Variants in FAM78B observed in about 807,000 individuals in gnomAD.
FAM78B encodes the protein protein FAM78B.
In FAM78B, 10 loss-of-function variants were observed where a neutral mutation model predicts 20.0. The ratio of observed to expected loss-of-function variants is 0.50; its 90% CI spans 0.31 to 0.85. FAM78B has a LOEUF of 0.85. Ranked by LOEUF, FAM78B falls within the 40% of genes least tolerant of loss-of-function variation. The probability of loss-of-function intolerance (pLI) is 0.05; values close to 1 mark genes in which losing one functional copy is unlikely to be tolerated. For missense variants in FAM78B, 283 were observed against 345.0 expected (o/e 0.82, Z 1.42); for synonymous variants, 135 against 132.8 (o/e 1.02, Z -0.12).
chr1:166,148,757 A>T (rs1246297022), intron 1 of FAM78B, among the ~76,000 whole-genome samples: 2 of 152,238 alleles, frequency 1.3e-5, no homozygotes, highest in African/African-American at 4.8e-5. Flanking sequence ...CTTTTCTCCC[A>T]ATGCAGTTGT....
intron 1 of FAM78B, among the ~76,000 whole-genome samples, chr1:166,085,828 G>A (rs1218650022): frequency 6.6e-6 from 1 of 151,876 alleles, no homozygotes; most frequent in Admixed American, 6.6e-5. Flanking sequence ...GAAATCCAAA[G>A]TCTGGAAACC....
At chr1:166,158,157 A>T (rs1431736040) in intron 1 of FAM78B, among the ~76,000 whole-genome samples, 1 of 152,278 alleles carries the variant, frequency 6.6e-6, no homozygotes, top group East Asian at 1.9e-4. Flanking sequence ...TAAGGCCATC[A>T]TCTATTAGAA....
intron 1 of FAM78B, among the ~76,000 whole-genome samples, chr1:166,150,423 G>A (rs2101797448): frequency 6.6e-6 from 1 of 152,258 alleles, no homozygotes; most frequent in South Asian, 2.1e-4. Context: ...AGGAACAGAA[G>A]AATATAGTAA....
chr1:166,162,373 A>G (rs911930930), intron 1 of FAM78B, among the ~76,000 whole-genome samples: 4 of 152,202 alleles, frequency 2.6e-5, no homozygotes, highest in African/African-American at 7.2e-5. Context: ...AACTTTTCCA[A>G]ATTGGCAGTG....
chr1:166,162,419 T>C (rs1656181788), intron 1 of FAM78B, among the ~76,000 whole-genome samples: 1 of 152,176 alleles, frequency 6.6e-6, no homozygotes, highest in African/African-American at 2.4e-5. Flanking sequence ...AGCCTGACCA[T>C]TAAAAGTTCC....
At chr1:166,119,819 CA>C (rs1186765784) in intron 1 of FAM78B, among the ~76,000 whole-genome samples, 1 of 152,246 alleles carries the variant, frequency 6.6e-6, no homozygotes, top group Admixed American at 6.5e-5. Flanking sequence ...CTTGCCAAGG[CA>C]ATACACTGAA....
intron 1 of FAM78B, among the ~76,000 whole-genome samples, chr1:166,155,458 T>C (rs1655857583): frequency 1.3e-5 from 2 of 152,166 alleles, no homozygotes; most frequent in Non-Finnish European, 2.9e-5. Context: ...CACACACTAG[T>C]TGTTATCATC....
downstream of FAM78B, among the ~76,000 whole-genome samples, chr1:166,068,208 G>T (rs748148712): frequency 1.3e-5 from 2 of 152,136 alleles, no homozygotes; most frequent in Non-Finnish European, 2.9e-5. Flanking sequence ...ATTCAGTCTG[G>T]GGGAGAGAGT....
chr1:166,057,962 T>TG (rs1219110550), exon 3 of FAM78B: 2 of 123,786 alleles, frequency 1.6e-5, no homozygotes, highest in South Asian at 3.1e-4. Context: ...TTGTTTTTTT[T>TG]GGGTTTTTTT....
At chr1:166,111,560 C>T (rs575391839) in intron 1 of FAM78B, among the ~76,000 whole-genome samples, 1 of 152,302 alleles carries the variant, frequency 6.6e-6, no homozygotes, top group Admixed American at 6.5e-5. Flanking sequence ...AAGTCTCTTG[C>T]TTTAGTTACA....
At chr1:166,141,028 T>C (rs1295368142) in intron 1 of FAM78B, among the ~76,000 whole-genome samples, 4 of 152,206 alleles carry the variant, frequency 2.6e-5, no homozygotes, top group Non-Finnish European at 5.9e-5. Flanking sequence ...ACTGCCTATG[T>C]AAACGAATGC....
chr1:166,165,092 A>T (rs888106061), intron 1 of FAM78B: 6 of 152,206 alleles, frequency 3.9e-5, no homozygotes, highest in Non-Finnish European at 8.8e-5. Flanking sequence ...TCTTCACCGC[A>T]GCAGCCAAGC....
At chr1:166,104,633 A>G (rs1414145085) in intron 1 of FAM78B, among the ~76,000 whole-genome samples, 2 of 152,208 alleles carry the variant, frequency 1.3e-5, no homozygotes, top group Non-Finnish European at 2.9e-5. Flanking sequence ...AATAGCTAGG[A>G]ATCCAACTTA....
intron 1 of FAM78B, among the ~76,000 whole-genome samples, chr1:166,081,755 A>C (rs898795962): frequency 3.3e-5 from 5 of 152,088 alleles, no homozygotes; most frequent in Admixed American, 1.3e-4. Flanking sequence ...GAAGCAGAGG[A>C]AACTGGGGCT....
At chr1:166,109,231 A>G (rs1165046880) in intron 1 of FAM78B, among the ~76,000 whole-genome samples, 1 of 152,220 alleles carries the variant, frequency 6.6e-6, no homozygotes, top group Admixed American at 6.5e-5. Flanking sequence ...CAACCCACAG[A>G]GTGGAGAAAA....
intron 1 of FAM78B, among the ~76,000 whole-genome samples, chr1:166,078,700 TCTGGGGAGAGG>T (rs1652434288): frequency 6.6e-6 from 1 of 151,656 alleles, no homozygotes; most frequent in Non-Finnish European, 1.5e-5. Context: ...CACTGGGGAG[TCTGGGGAGAGG>T]CTGGCAGCAA....
intron 1 of FAM78B, among the ~76,000 whole-genome samples, chr1:166,120,263 GAAGTT>G (rs746356613): frequency 6.6e-6 from 1 of 152,188 alleles, no homozygotes; most frequent in Non-Finnish European, 1.5e-5. Flanking sequence ...CAACTCAAGA[GAAGTT>G]AAGTAACTGG....
At position 166,069,874 on chromosome 1, in the gene FAM78B, G is replaced by A. The variant is rs1279221702; in HGVS notation, c.*367C>T. 2 of 611,164 alleles carry A rather than the reference G, an allele frequency of 3.3e-6. No individual in the cohort carries two copies. The highest frequency in any genetic ancestry group is 6.0e-5 in the Admixed American group (1 of 16,590). The allele number at this position is 611,164 out of a possible 1,614,324, so 37.9% of individuals were successfully genotyped here. A position where few individuals can be genotyped will look rare whatever the true frequency, so the allele number is the denominator to read the frequency against. The stretch of plus-strand genomic sequence containing the variant: ...TTCACTCCTACTTCTAATTGGCTGG[G>A]AAGCAGCATTTGCCACAGGCACTGT... On this transcript the variant is annotated 3_prime_UTR_variant, in exon 2 of 2. Coordinates refer to ENST00000354422, the MANE Select transcript of FAM78B (RefSeq NM_001017961.5).
At position 166,069,968 on chromosome 1, in the gene FAM78B, C is replaced by T. The variant is rs1365586412; in HGVS notation, c.*273G>A. 2 of 1,167,370 alleles carry T rather than the reference C, an allele frequency of 1.7e-6. No individual in the cohort carries two copies. Among genetic ancestry groups the T allele is most frequent in the African/African-American group, 1.6e-5 (1 of 63,270 alleles). 72.3% of individuals were successfully genotyped at this position (1,167,370 alleles called of 1,614,324 possible). A position where few individuals can be genotyped will look rare whatever the true frequency, so the allele number is the denominator to read the frequency against. On this transcript the variant is annotated 3_prime_UTR_variant, in exon 2 of 2. Transcript: ENST00000354422. ...TCAATAGTTCAGATAAAAGAATCAT[C>T]CTGGTCAGCTCCAAAATATGGCTAC... is the stretch of plus-strand genomic sequence containing the variant.
Sources: allele counts gnomAD v4.1 joint callset (sites outside exome capture counted in the v4.1 genomes callset), GRCh38; gene constraint gnomAD v4.1.1; transcripts MANE v1.5; gene names NCBI Gene and HGNC (gene_info 2026-07-23, HGNC 2026-07-21).